ATG14: variants seen among roughly 807,000 people sequenced by gnomAD.
The protein encoded by ATG14 is beclin 1-associated autophagy-related key regulator.
A neutral mutation model predicts 60.4 loss-of-function variants in ATG14; 35 were observed. The observed-to-expected ratio is 0.58, with a 90% CI of 0.44 to 0.77. The LOEUF (loss-of-function observed/expected upper bound fraction) is 0.77, where lower values mean the gene tolerates loss of function less well. Among genes scored for constraint, ATG14 ranks in the 30% least tolerant of loss-of-function variants. The pLI, the probability that ATG14 is intolerant of heterozygous loss-of-function variation, is 0.00. For synonymous variants in ATG14, 234 were observed against 228.8 expected (o/e 1.02, Z -0.21); for missense variants, 647 against 626.3 (o/e 1.03, Z -0.35).
At chr14:55,379,825 C>A (rs943654617) in intron 7 of ATG14, among the ~76,000 whole-genome samples, 2 of 152,180 alleles carry the variant, frequency 1.3e-5, no homozygotes, top group African/African-American at 2.4e-5. Flanking sequence ...CGGATTCAAG[C>A]GATTCTTCTG....
chr14:55,369,861 C>A lies in ATG14; in HGVS notation c.1237G>T (p.Ala413Ser), dbSNP rs771426493. 1.2e-6 allele frequency: 2 copies of A among 1,614,188 alleles called. No individual in the cohort carries two copies. Among genetic ancestry groups the A allele is most frequent in the Admixed American group, 3.3e-5 (2 of 60,026 alleles). ...ESMEFVDPGV[A>S]GESDESGDER... is the part of the protein sequence containing the mutation. ...TCTCCGCTCTCATCTGATTCTCCAG[C>A]AACTCCGGGATCCACAAATTCCATG... Residue 413 changes from alanine to serine, a missense_variant, in exon 10 of 10, where the codon GCT becomes TCT. Physicochemically the swap from Ala to Ser is moderately conservative, Grantham distance 99. Transcript: ENST00000247178.
In ATG14 at chr14:55,391,471, T is replaced by TAA. The variant is rs746307684; in HGVS notation, c.328-481_328-480dup. ...AGCCTGGCAACTGAGTGAGACTCCATAAAAAAAAAAAAAAAAAAAGGAAAG... is the reference window on the plus strand; with the variant it reads ...AGCCTGGCAACTGAGTGAGACTCCATAAAAAAAAAAAAAAAAAAAAAGGAAAG... On this transcript the variant is annotated intron_variant, in intron 3 of 9. Coordinates refer to ENST00000247178, the MANE Select transcript of ATG14 (RefSeq NM_014924.5). Among the ~76,000 whole-genome samples, 602 of 75,742 alleles carry TAA rather than the reference T, an allele frequency of 7.9e-3. 8 individuals carry two copies. The highest frequency in any genetic ancestry group is 0.01 in the African/African-American group (256 of 24,742). The allele number at this position is 75,742 out of a possible 152,430, so 49.7% of individuals were successfully genotyped here.
At chr14:55,400,808 G>A (rs1202146906) in intron 1 of ATG14, among the ~76,000 whole-genome samples, 2 of 152,018 alleles carry the variant, frequency 1.3e-5, no homozygotes, top group Non-Finnish European at 2.9e-5. Flanking sequence ...GGAGGCTGAG[G>A]CAGGAGAATT....
chr14:55,382,229 A>G (rs917262881), intron 5 of ATG14, 38 bp from the exon 6 acceptor site: 3 of 1,580,560 alleles, frequency 1.9e-6, no homozygotes, highest in Non-Finnish European at 2.6e-6. Context: ...TTCAAGAGAG[A>G]GGGTTTTTAA....
At chr14:55,390,776 G>C in intron 4 of ATG14, 135 bp downstream of exon 4, 1 of 640,106 alleles carries the variant, frequency 1.6e-6, no homozygotes, top group East Asian at 3.1e-5. Context: ...GGAAAGATGA[G>C]GGCGAGTAGT....
At chr14:55,408,225 G>A (rs1885519003) in intron 1 of ATG14, among the ~76,000 whole-genome samples, 1 of 152,176 alleles carries the variant, frequency 6.6e-6, no homozygotes, top group Non-Finnish European at 1.5e-5. Flanking sequence ...GGCTGAGGCT[G>A]GTGGATGGCT....
intron 9 of ATG14, among the ~76,000 whole-genome samples, chr14:55,376,052 G>A (rs537034959): frequency 6.6e-6 from 1 of 152,216 alleles, no homozygotes; most frequent in East Asian, 1.9e-4. Flanking sequence ...TCTTTAATCT[G>A]TTAATGTGAT....
At chr14:55,392,702 T>C (rs981442890) in intron 3 of ATG14, among the ~76,000 whole-genome samples, 2 of 151,536 alleles carry the variant, frequency 1.3e-5, no homozygotes, top group Non-Finnish European at 1.5e-5. Flanking sequence ...AGAATGATTA[T>C]TCTCTAATGA....
At chr14:55,393,780 T>C (rs1885264564) in intron 3 of ATG14, among the ~76,000 whole-genome samples, 1 of 152,084 alleles carries the variant, frequency 6.6e-6, no homozygotes, top group Admixed American at 6.6e-5. Flanking sequence ...TTTCAATTCC[T>C]GGGCTTGAGC....
chr14:55,405,425 A>G (rs1885472912), intron 1 of ATG14, among the ~76,000 whole-genome samples: 1 of 152,222 alleles, frequency 6.6e-6, no homozygotes, highest in African/African-American at 2.4e-5. Flanking sequence ...TTGTCAGTGA[A>G]GGTAATGTGG....
intron 9 of ATG14, among the ~76,000 whole-genome samples, chr14:55,370,645 C>T (rs1884793567): frequency 6.8e-6 from 1 of 146,600 alleles, no homozygotes; most frequent in Non-Finnish European, 1.5e-5. Context: ...TTCTGCATTT[C>T]TTTTTTTTTT....
At position 55,368,167 on chromosome 14, in the gene ATG14, T is replaced by G. The variant is rs1288110201; in HGVS notation, c.*1452A>C. On this transcript the variant is annotated 3_prime_UTR_variant, in exon 10 of 10. Coordinates refer to ENST00000247178, the MANE Select transcript of ATG14 (RefSeq NM_014924.5). ...TCTCATTATAGTTTTCTTGTAAGAT[T>G]GTCACTAAAAGAATGACAAGACACG... 1 of 152,644 alleles carries G rather than the reference T, an allele frequency of 6.6e-6. No homozygotes were observed. Among genetic ancestry groups the G allele is most frequent in the Non-Finnish European group, 1.5e-5 (1 of 68,030 alleles). 9.5% of individuals were successfully genotyped at this position (152,644 alleles called of 1,614,324 possible). A position where few individuals can be genotyped will look rare whatever the true frequency, so the allele number is the denominator to read the frequency against.
intron 7 of ATG14, among the ~76,000 whole-genome samples, chr14:55,379,924 G>A (rs1566578843): frequency 6.6e-6 from 1 of 152,086 alleles, no homozygotes; most frequent in African/African-American, 2.4e-5. Flanking sequence ...AACCATGTGA[G>A]TTTTTTATTA....
intron 1 of ATG14, among the ~76,000 whole-genome samples, chr14:55,398,058 CCG>C (rs1885341274): frequency 6.6e-6 from 1 of 151,598 alleles, no homozygotes; most frequent in African/African-American, 2.4e-5. Flanking sequence ...CGCCATTCTC[CCG>C]CCTCAGCCTC....
chr14:55,391,261 G>A (rs1157860011), intron 3 of ATG14: 4 of 276,322 alleles, frequency 1.4e-5, no homozygotes, highest in Non-Finnish European at 2.7e-5. Flanking sequence ...AGATCAAGAG[G>A]TTAGGAGATC....
At chr14:55,394,008 T>TC (rs1163544404) in intron 3 of ATG14, among the ~76,000 whole-genome samples, 1 of 149,546 alleles carries the variant, frequency 6.7e-6, no homozygotes, top group African/African-American at 2.4e-5. Flanking sequence ...TATCATAATT[T>TC]TTTTTTTTTT....
At chr14:55,395,887 AC>A in intron 3 of ATG14, 52 bp downstream of exon 3, 1 of 1,308,426 alleles carries the variant, frequency 7.6e-7, no homozygotes, top group Non-Finnish European at 1.0e-6. Context: ...TATAAGCTCT[AC>A]CAACTTAAAA....
At position 55,369,525 on chromosome 14, in the gene ATG14, G is replaced by T; in HGVS notation, c.*94C>A. On this transcript the variant is annotated 3_prime_UTR_variant, in exon 10 of 10. Coordinates refer to ENST00000247178, the MANE Select transcript of ATG14 (RefSeq NM_014924.5). The stretch of plus-strand genomic sequence containing the variant: ...ACAACACTTTAACCTCTTTGTTCCA[G>T]ACACTATCTTAACTTAAACAGAAAA... 8.3e-7 allele frequency: 1 copy of T among 1,199,252 alleles called. No individual in the cohort carries two copies. 74.3% of individuals were successfully genotyped at this position (1,199,252 alleles called of 1,614,324 possible).
At chr14:55,400,913 TA>T (rs558824486) in intron 1 of ATG14, among the ~76,000 whole-genome samples, 1 of 68,288 alleles carries the variant, frequency 1.5e-5, no homozygotes, top group African/African-American at 4.1e-5. Flanking sequence ...AATAAATAAA[TA>T]AAATAAAATA....
Sources: allele counts gnomAD v4.1 joint callset (sites outside exome capture counted in the v4.1 genomes callset), GRCh38; gene constraint gnomAD v4.1.1; transcripts MANE v1.5; gene names NCBI Gene and HGNC (gene_info 2026-07-23, HGNC 2026-07-21).